Variants in CLUL1 observed in about 807,000 individuals in gnomAD.
The protein encoded by CLUL1 is clusterin-like protein 1.
A neutral mutation model predicts 49.4 loss-of-function variants in CLUL1; 43 were observed. That is an observed-to-expected ratio of 0.87 (90% CI 0.68 to 1.12). The LOEUF (loss-of-function observed/expected upper bound fraction) is 1.12. Among genes scored for constraint, CLUL1 ranks in the 50% most tolerant of loss-of-function variants. The probability of loss-of-function intolerance (pLI) is 0.00; values close to 1 mark genes in which losing one functional copy is unlikely to be tolerated. For synonymous variants in CLUL1, 192 were observed against 184.9 expected (o/e 1.04, Z -0.31); for missense variants, 486 against 544.4 (o/e 0.89, Z 1.07).
intron 1 of CLUL1, among the ~76,000 whole-genome samples, chr18:599,809 G>A (rs2072769386): frequency 6.6e-6 from 1 of 152,012 alleles, no homozygotes. Context: ...GCGGGCGCCT[G>A]TAGTCCCAGC....
At chr18:642,573 T>C (rs187156362) in intron 8 of CLUL1, among the ~76,000 whole-genome samples, 62 of 152,366 alleles carry the variant, frequency 4.1e-4, no homozygotes, top group African/African-American at 1.4e-3. Context: ...ACACATTACC[T>C]TAATCTACAA....
At chr18:617,925 T>C (rs924629503) in intron 2 of CLUL1, 63 bp from the exon 3 acceptor site, 38 of 1,419,328 alleles carry the variant, frequency 2.7e-5, no homozygotes, top group Non-Finnish European at 3.1e-5. Flanking sequence ...GTGTTTTCAA[T>C]TGATGCCAAC....
chr18:649,877 G>GC, intron 9 of CLUL1, 21 bp from the exon 10 acceptor site: 2 of 1,273,570 alleles, frequency 1.6e-6, no homozygotes, highest in Non-Finnish European at 2.2e-6. Flanking sequence ...GATCATTGCT[G>GC]CCTTTTTTTT....
At chr18:628,260 AT>A (rs2073870700) in intron 6 of CLUL1, among the ~76,000 whole-genome samples, 1 of 152,244 alleles carries the variant, frequency 6.6e-6, no homozygotes. Flanking sequence ...AACCAGAGCA[AT>A]TTAGTGCCCT....
In CLUL1 at chr18:627,274, G is replaced by A. The variant is rs200242838; in HGVS notation, c.601G>A (p.Val201Ile). 241 of 1,613,892 alleles carry A rather than the reference G, an allele frequency of 1.5e-4. No homozygotes were observed. The highest frequency in any genetic ancestry group is 3.3e-4 in the East Asian group (15 of 44,852). The change falls in exon 6 of 10, where the codon GTC (valine) becomes ATC (isoleucine). Residue 201 changes from valine (V) to isoleucine (I), a missense_variant. Physicochemically the swap from Val to Ile is conservative, Grantham distance 29. Transcript: ENST00000692774. ...TTCTCTCTTTAACAGGAGTTTTAAC[G>A]TCTTCAGACAGATGCAGCAAGAGTT... ...VNSLFNRSFN[V>I]FRQMQQEFDQ... is the part of the protein sequence containing the mutation.
rs114641300 is a variant in CLUL1, at chr18:643,226, G to A, written c.1210-1684G>A. On this transcript the variant is annotated intron_variant, in intron 8 of 9. Transcript: ENST00000692774. ...GGAATTTCATTTCCATTTTGTATGTGTATATGTGTGTAAACATATATACAC... is the reference window on the plus strand; with the variant it reads ...GGAATTTCATTTCCATTTTGTATGTATATATGTGTGTAAACATATATACAC... 8.7e-3 allele frequency among the ~76,000 whole-genome samples: 1,324 copies of A among 152,272 alleles called. 20 individuals are homozygous for A. The highest frequency in any genetic ancestry group is 0.03 in the African/African-American group (1,253 of 41,552).
At chr18:636,034 C>G (rs2074128586) in intron 7 of CLUL1, among the ~76,000 whole-genome samples, 1 of 152,112 alleles carries the variant, frequency 6.6e-6, no homozygotes, top group African/African-American at 2.4e-5. Flanking sequence ...CGCGCCTGGC[C>G]AACAAATTGT....
intron 8 of CLUL1, among the ~76,000 whole-genome samples, chr18:643,342 C>T (rs746054605): frequency 3.3e-5 from 5 of 152,170 alleles, no homozygotes; most frequent in Non-Finnish European, 7.3e-5. Flanking sequence ...AGCCACTGTT[C>T]CAATCCCTGC....
chr18:603,870 T>G (rs2072897725), intron 1 of CLUL1, among the ~76,000 whole-genome samples: 1 of 152,110 alleles, frequency 6.6e-6, no homozygotes, highest in Non-Finnish European at 1.5e-5. Context: ...GTACATGCAG[T>G]GTGTATCTTT....
chr18:632,455 T>A (rs944057977), intron 6 of CLUL1, among the ~76,000 whole-genome samples: 2 of 152,144 alleles, frequency 1.3e-5, no homozygotes, highest in African/African-American at 4.8e-5. Flanking sequence ...CTTTGAAACT[T>A]CTTCCCAATT....
At position 627,255 on chromosome 18, in the gene CLUL1, C is replaced by G; in HGVS notation, c.582C>G (p.Leu194=). ...AGTTGACTGTGGATGTGAATTCTCT[C>G]TTTAACAGGAGTTTTAACGTCTTCA... ...FSQLTVDVNS[L]FNRSFNVFRQ... is the part of the protein sequence containing the mutation. Residue 194 remains leucine (L), a synonymous_variant, in exon 6 of 10, where the codon CTC becomes CTG. Transcript: ENST00000692774. 1.9e-6 allele frequency: 3 copies of G among 1,613,992 alleles called. No homozygotes were observed. The highest frequency in any genetic ancestry group is 2.5e-6 in the Non-Finnish European group (3 of 1,180,004).
chr18:622,979 AT>A (rs1163355869), intron 4 of CLUL1, among the ~76,000 whole-genome samples: 1 of 151,778 alleles, frequency 6.6e-6, no homozygotes, highest in Non-Finnish European at 1.5e-5. Flanking sequence ...AATATGTAAA[AT>A]TGGGACTGAT....
intron 4 of CLUL1, among the ~76,000 whole-genome samples, chr18:622,474 G>A (rs1430261647): frequency 6.6e-6 from 1 of 152,152 alleles, no homozygotes; most frequent in Non-Finnish European, 1.5e-5. Context: ...GGTTAATATA[G>A]CGCTTTTGAT....
chr18:630,600 T>A (rs951505025), intron 6 of CLUL1, among the ~76,000 whole-genome samples: 1 of 147,360 alleles, frequency 6.8e-6, no homozygotes, highest in African/African-American at 2.5e-5. Context: ...GTAGGTGGCC[T>A]CGAGGAACTG....
chr18:616,265 G>A (rs1326059916), intron 2 of CLUL1, among the ~76,000 whole-genome samples: 3 of 151,974 alleles, frequency 2.0e-5, no homozygotes, highest in South Asian at 2.1e-4. Context: ...TGGTTATATC[G>A]CTTCATATAC....
intron 8 of CLUL1, among the ~76,000 whole-genome samples, chr18:642,498 G>A (rs1312024125): frequency 6.6e-6 from 1 of 152,150 alleles, no homozygotes; most frequent in Admixed American, 6.6e-5. Flanking sequence ...CCCAGATTCA[G>A]TCAATAACTT....
At chr18:645,935 G>A (rs1300117001) in intron 9 of CLUL1, among the ~76,000 whole-genome samples, 4 of 139,812 alleles carry the variant, frequency 2.9e-5, no homozygotes, top group South Asian at 4.6e-4. Flanking sequence ...TTTATGAAAC[G>A]TTAAAAATAT....
intron 9 of CLUL1, among the ~76,000 whole-genome samples, chr18:645,614 A>T (rs937038741): frequency 7.3e-5 from 11 of 150,602 alleles, no homozygotes; most frequent in East Asian, 2.0e-4. Context: ...GATAACACGG[A>T]GAAACTGCGT....
intron 9 of CLUL1, among the ~76,000 whole-genome samples, chr18:647,627 T>C (rs2074544459): frequency 6.6e-6 from 1 of 152,180 alleles, no homozygotes; most frequent in South Asian, 2.1e-4. Context: ...AGCTGGGACA[T>C]GTGTGTCTAC....
Sources: gnomAD v4.1 joint callset for allele counts (sites outside exome capture counted in the v4.1 genomes callset) on GRCh38, gnomAD v4.1.1 for gene constraint, MANE v1.5 for transcripts, NCBI Gene and HGNC (gene_info 2026-07-23, HGNC 2026-07-21) for gene names.